BABAM2: variants seen among roughly 807,000 people sequenced by gnomAD.
BABAM2 encodes BRISC and BRCA1-A complex member 2.
BABAM2 carries 31 observed loss-of-function variants against 54.7 expected under a neutral mutation model. The observed-to-expected ratio is 0.57, with a 90% CI of 0.43 to 0.77. The LOEUF (loss-of-function observed/expected upper bound fraction) is 0.77. BABAM2 is among the 30% of genes least tolerant of loss of function. The probability of loss-of-function intolerance (pLI) is 0.00; values close to 1 mark genes in which losing one functional copy is unlikely to be tolerated. For synonymous variants in BABAM2, 167 were observed against 162.9 expected (o/e 1.03, Z -0.19); for missense variants, 364 against 455.8 (o/e 0.80, Z 1.83).
At chr2:28,050,483 A>T (rs1001455496) in intron 6 of BABAM2, among the ~76,000 whole-genome samples, 2 of 152,206 alleles carry the variant, frequency 1.3e-5, no homozygotes, top group African/African-American at 4.8e-5. Flanking sequence ...TGAGCCGCTT[A>T]TCACAACTGC....
At chr2:28,198,816 G>A (rs763893195) in intron 7 of BABAM2, among the ~76,000 whole-genome samples, 1 of 152,050 alleles carries the variant, frequency 6.6e-6, no homozygotes, top group Non-Finnish European at 1.5e-5. Context: ...CAAGTGGGAG[G>A]GGAAAATAAA....
intron 6 of BABAM2, among the ~76,000 whole-genome samples, chr2:28,052,540 G>T (rs1023932258): frequency 6.6e-6 from 1 of 151,922 alleles, no homozygotes; most frequent in Non-Finnish European, 1.5e-5. Context: ...TGCCTGCCTG[G>T]GTCTCCCAAA....
intron 6 of BABAM2, among the ~76,000 whole-genome samples, chr2:28,089,452 G>A (rs1426035941): frequency 1.3e-5 from 2 of 152,250 alleles, no homozygotes; most frequent in East Asian, 3.9e-4. Context: ...TACAACTTTA[G>A]CACCTGATTT....
chr2:27,889,278 C>T (rs1480904075), upstream of BABAM2, among the ~76,000 whole-genome samples: 1 of 152,154 alleles, frequency 6.6e-6, no homozygotes. Flanking sequence ...TTTTGATTGT[C>T]CCAAAGCCTT....
At chr2:28,316,554 T>A in intron 11 of BABAM2, among the ~76,000 whole-genome samples, 1 of 152,172 alleles carries the variant, frequency 6.6e-6, no homozygotes, top group Admixed American at 6.5e-5. Flanking sequence ...CTTAAAGGCC[T>A]TATGGGGGAT....
chr2:28,224,849 G>GA (rs1406843262), intron 7 of BABAM2, among the ~76,000 whole-genome samples: 3,814 of 60,282 alleles, frequency 0.063, 95 homozygotes, highest in South Asian at 0.072. Flanking sequence ...ACGGTAAATT[G>GA]ACAAAAAAAA....
chr2:27,952,510 T>G (rs1669805966), intron 3 of BABAM2, among the ~76,000 whole-genome samples: 1 of 152,180 alleles, frequency 6.6e-6, no homozygotes, highest in Admixed American at 6.5e-5. Flanking sequence ...GAAGGGTGTT[T>G]AGGAAACTAG....
At chr2:28,297,406 G>T (rs79003421) in intron 10 of BABAM2, among the ~76,000 whole-genome samples, 1 of 152,062 alleles carries the variant, frequency 6.6e-6, no homozygotes, top group East Asian at 1.9e-4. Context: ...CCTATTCTTT[G>T]TCCTAGAAGT....
chr2:27,957,006 G>A (rs924755523), intron 3 of BABAM2, among the ~76,000 whole-genome samples: 1 of 152,178 alleles, frequency 6.6e-6, no homozygotes, highest in Non-Finnish European at 1.5e-5. Flanking sequence ...TGTGTTGCTC[G>A]ACAGTATGCC....
intron 6 of BABAM2, among the ~76,000 whole-genome samples, chr2:28,083,014 T>A (rs1396453729): frequency 6.6e-6 from 1 of 152,206 alleles, no homozygotes. Flanking sequence ...CTCCATCCTC[T>A]GCCATCATCC....
At chr2:28,195,597 TCAG>T (rs1677439598) in intron 7 of BABAM2, among the ~76,000 whole-genome samples, 1 of 152,216 alleles carries the variant, frequency 6.6e-6, no homozygotes, top group African/African-American at 2.4e-5. Flanking sequence ...GCCAGGGTCT[TCAG>T]GTACAGCAGT....
chr2:27,937,415 C>T (rs779931395), intron 3 of BABAM2, among the ~76,000 whole-genome samples: 1 of 152,150 alleles, frequency 6.6e-6, no homozygotes, highest in Non-Finnish European at 1.5e-5. Flanking sequence ...CATGAGCCAC[C>T]GCACCCAGCC....
chr2:28,018,214 G>A (rs1674984593), intron 4 of BABAM2, among the ~76,000 whole-genome samples: 1 of 152,118 alleles, frequency 6.6e-6, no homozygotes, highest in African/African-American at 2.4e-5. Context: ...TTATACATTT[G>A]TGTCCTCGTA....
chr2:28,326,284 C>A (rs556567708), intron 11 of BABAM2, among the ~76,000 whole-genome samples: 133 of 152,306 alleles, frequency 8.7e-4, no homozygotes, highest in African/African-American at 3.1e-3. Context: ...TCCCTGCACC[C>A]CACCCCAGGC....
chr2:28,148,173 C>T (rs538416590), intron 7 of BABAM2, among the ~76,000 whole-genome samples: 35 of 152,218 alleles, frequency 2.3e-4, no homozygotes, highest in African/African-American at 7.2e-4. Context: ...TACTGTGTAC[C>T]GCAGAAACAG....
intron 11 of BABAM2, among the ~76,000 whole-genome samples, chr2:28,298,838 G>GT (rs1255616193): frequency 2.6e-5 from 4 of 151,586 alleles, no homozygotes; most frequent in African/African-American, 4.9e-5. Context: ...GACAGCTTTT[G>GT]TTTTTTTTCA....
chr2:28,170,347 G>C (rs1329672258), intron 7 of BABAM2, among the ~76,000 whole-genome samples: 2 of 151,890 alleles, frequency 1.3e-5, no homozygotes, highest in East Asian at 3.9e-4. Flanking sequence ...TCTTTGCTTT[G>C]TCTACTTTTC....
At chr2:28,188,036 G>A (rs746570592) in intron 7 of BABAM2, among the ~76,000 whole-genome samples, 9 of 151,930 alleles carry the variant, frequency 5.9e-5, no homozygotes, top group African/African-American at 1.5e-4. Context: ...ATTTTTCCCC[G>A]GGCGCAGGCA....
At chr2:28,026,806 AT>A (rs1477517604) in intron 5 of BABAM2, among the ~76,000 whole-genome samples, 3 of 94,668 alleles carry the variant, frequency 3.2e-5, no homozygotes, top group African/African-American at 4.9e-5. Context: ...TATATAAAAA[AT>A]ATATAAATAT....
Sources: allele counts gnomAD v4.1 joint callset (sites outside exome capture counted in the v4.1 genomes callset), GRCh38; gene constraint gnomAD v4.1.1; transcripts MANE v1.5; gene names NCBI Gene and HGNC (gene_info 2026-07-23, HGNC 2026-07-21).